The following SCMH1 variants were observed in gnomAD, a reference collection of about 807,000 sequenced individuals.
SCMH1 encodes Scm polycomb group protein homolog 1.
Under a neutral mutation model 70.8 loss-of-function variants are expected in SCMH1, and 37 were observed. The observed-to-expected ratio is 0.52, with a 90% CI of 0.40 to 0.69. The LOEUF (loss-of-function observed/expected upper bound fraction) is 0.69. Ranked by LOEUF, SCMH1 falls within the 30% of genes least tolerant of loss-of-function variation. The pLI, the probability that SCMH1 is intolerant of heterozygous loss-of-function variation, is 0.00. For synonymous variants in SCMH1, 292 were observed against 307.4 expected, an observed-to-expected ratio of 0.95 and a Z score of 0.52; for missense variants, 607 against 827.3, an observed-to-expected ratio of 0.73 and a Z score of 3.27.
At chr1:41,082,118 G>A (rs966938564) in intron 8 of SCMH1, among the ~76,000 whole-genome samples, 5 of 152,054 alleles carry the variant, frequency 3.3e-5, no homozygotes, top group African/African-American at 1.2e-4. Flanking sequence ...AACTATGGGG[G>A]CGGCCAAAGA....
chr1:41,196,140 A>G (rs1260895654), intron 1 of SCMH1, among the ~76,000 whole-genome samples: 1 of 152,180 alleles, frequency 6.6e-6, no homozygotes, highest in African/African-American at 2.4e-5. Flanking sequence ...TGGCAATACT[A>G]TCCAAAGCAA....
rs1669671365 is a variant in SCMH1, at chr1:41,113,268, T to G, written c.745+15A>C. 6.2e-7 allele frequency: 1 copy of G among 1,610,718 alleles called. No homozygotes were observed. Among genetic ancestry groups the G allele is most frequent in the African/African-American group, 1.3e-5 (1 of 74,666 alleles). On this transcript the variant is annotated intron_variant, in intron 8 of 14. Transcript: ENST00000337495. The surrounding 1 kb of genome is among the most constrained non-coding windows in gnomAD (Gnocchi z 4.3). ...TCTGGGTCCTGATTTCAAGAGCACG[T>G]AGATGGGCCTTTACCTTTGGTGCCA...
rs117372292 is a variant in SCMH1, at chr1:41,109,099, G to A, written c.745+4184C>T. On this transcript the variant is annotated intron_variant, in intron 8 of 14. Coordinates refer to ENST00000337495, the Ensembl canonical transcript of SCMH1. ...AACAATATGCCTCAGTGATATATTG[G>A]TCCTGACAGGTGGCTCTACTAAAAG... Among the ~76,000 whole-genome samples, 230 of 152,272 alleles carry A rather than the reference G, an allele frequency of 1.5e-3. 3 individuals carry two copies. Among genetic ancestry groups the A allele is most frequent in the East Asian group, 0.011 (55 of 5,188 alleles).
At chr1:41,105,602 CTTGT>C (rs1365482532) in intron 8 of SCMH1, among the ~76,000 whole-genome samples, 3 of 152,116 alleles carry the variant, frequency 2.0e-5, no homozygotes, top group Admixed American at 6.5e-5. Flanking sequence ...TGGTACAGGG[CTTGT>C]TTGTTAAATA....
At chr1:41,142,901 C>A in exon 6 of SCMH1, 1 of 1,614,102 alleles carries the variant, frequency 6.2e-7, no homozygotes, top group Non-Finnish European at 8.5e-7. Context: ...TAGCATACCC[C>A]CATTCTTTTC....
At chr1:41,121,077 G>A (rs1393883350) in intron 6 of SCMH1, among the ~76,000 whole-genome samples, 2 of 152,066 alleles carry the variant, frequency 1.3e-5, no homozygotes, top group Non-Finnish European at 2.9e-5. Context: ...CATAACTTTT[G>A]GAAAATTACA....
chr1:41,172,322 A>G (rs1646842375), intron 2 of SCMH1, among the ~76,000 whole-genome samples: 1 of 152,136 alleles, frequency 6.6e-6, no homozygotes, highest in East Asian at 1.9e-4. Flanking sequence ...AGAAATCAAG[A>G]AAGTAATCTC....
At chr1:41,039,173 G>C (rs1318903443) in intron 12 of SCMH1, among the ~76,000 whole-genome samples, 1 of 152,220 alleles carries the variant, frequency 6.6e-6, no homozygotes, top group Non-Finnish European at 1.5e-5. Context: ...ACTGGGGATA[G>C]TATTGTCTGC....
intron 1 of SCMH1, among the ~76,000 whole-genome samples, chr1:41,190,314 T>G (rs1292098322): frequency 6.6e-6 from 1 of 152,162 alleles, no homozygotes; most frequent in Admixed American, 6.5e-5. Flanking sequence ...AGGAGAGAGA[T>G]GAGATTTGCT....
At chr1:41,188,231 C>A (rs1446931180) in intron 1 of SCMH1, among the ~76,000 whole-genome samples, 1 of 152,116 alleles carries the variant, frequency 6.6e-6, no homozygotes, top group South Asian at 2.1e-4. Context: ...GCATAGACTA[C>A]GAATATCCAA....
chr1:41,096,507 C>T (rs1466287369), intron 8 of SCMH1, among the ~76,000 whole-genome samples: 3 of 152,158 alleles, frequency 2.0e-5, no homozygotes, highest in Admixed American at 6.5e-5. Flanking sequence ...ACATAGTGAA[C>T]GCTCAATAAA....
chr1:41,181,180 C>T (rs958559126), intron 2 of SCMH1, among the ~76,000 whole-genome samples: 1 of 152,094 alleles, frequency 6.6e-6, no homozygotes, highest in Non-Finnish European at 1.5e-5. Context: ...TTCCTTACAC[C>T]TTATACAAAA....
At chr1:41,150,848 A>G (rs936271851) in intron 5 of SCMH1, among the ~76,000 whole-genome samples, 2 of 150,482 alleles carry the variant, frequency 1.3e-5, no homozygotes, top group African/African-American at 4.9e-5. Context: ...GAGGCAGGAG[A>G]ATGGTATGTA....
At chr1:41,231,969 G>A (rs1459841266) in intron 1 of SCMH1, among the ~76,000 whole-genome samples, 8 of 150,072 alleles carry the variant, frequency 5.3e-5, no homozygotes, top group Non-Finnish European at 1.2e-4. Flanking sequence ...GTTACAGCGA[G>A]CCAAGATCTC....
intron 1 of SCMH1, among the ~76,000 whole-genome samples, chr1:41,210,781 T>C (rs1656829498): frequency 6.6e-6 from 1 of 151,662 alleles, no homozygotes; most frequent in African/African-American, 2.4e-5. Context: ...GCAATACCAT[T>C]CAGGATATAG....
chr1:41,113,736 G>C lies in SCMH1; in HGVS notation c.502-210C>G, dbSNP rs907433358. 1.3e-5 allele frequency among the ~76,000 whole-genome samples: 2 copies of C among 152,022 alleles called. No individual in the cohort carries two copies. The highest frequency in any genetic ancestry group is 4.8e-5 in the African/African-American group (2 of 41,398). On this transcript the variant is annotated intron_variant, in intron 7 of 14. Transcript: ENST00000337495. This position sits in a 1 kb window ranked among gnomAD's most constrained non-coding sequence, Gnocchi z 4.3. The stretch of plus-strand genomic sequence containing the variant: ...CTAACATTTTGACAACTTTGCTTCA[G>C]ATTTTTTAAAAAGGAAATAAAAGGT...
At chr1:41,073,289 C>A (rs1344151857) in intron 9 of SCMH1, among the ~76,000 whole-genome samples, 1 of 152,134 alleles carries the variant, frequency 6.6e-6, no homozygotes, top group Non-Finnish European at 1.5e-5. Flanking sequence ...TGAGACAAAG[C>A]TTCTCTGCTT....
At chr1:41,077,603 A>G (rs1201557272) in intron 8 of SCMH1, among the ~76,000 whole-genome samples, 1 of 152,194 alleles carries the variant, frequency 6.6e-6, no homozygotes, top group African/African-American at 2.4e-5. Context: ...TCTCAAGGGT[A>G]GGACAATCTC....
intron 10 of SCMH1, among the ~76,000 whole-genome samples, chr1:41,060,463 A>G (rs200530873): frequency 3.2e-5 from 4 of 124,336 alleles, no homozygotes; most frequent in Non-Finnish European, 3.7e-5. Context: ...TGTGAGGGAG[A>G]AAAAAAAAAA....
Sources: gnomAD v4.1 joint callset for allele counts (sites outside exome capture counted in the v4.1 genomes callset) on GRCh38, gnomAD v4.1.1 for gene constraint, Gnocchi (gnomAD v3.1) non-coding constraint, MANE v1.5 for transcripts, NCBI Gene and HGNC (gene_info 2026-07-23, HGNC 2026-07-21) for gene names.